MSANTD2: variants seen among roughly 807,000 people sequenced by gnomAD.
MSANTD2 encodes the protein myb/SANT-like DNA-binding domain-containing protein 2.
In MSANTD2, 19 loss-of-function variants were observed where a neutral mutation model predicts 52.6. That is an observed-to-expected ratio of 0.36 (90% confidence interval 0.25 to 0.53). MSANTD2 has a LOEUF of 0.53. Ranked by LOEUF, MSANTD2 falls within the 20% of genes least tolerant of loss-of-function variation. The pLI is 0.91. For missense variants in MSANTD2, 558 were observed against 716.3 expected, an observed-to-expected ratio of 0.78 and a Z score of 2.52; for synonymous variants, 291 against 289.7, an observed-to-expected ratio of 1.00 and a Z score of -0.04.
chr11:124,767,300 G>C lies in MSANTD2; in HGVS notation c.1556C>G (p.Pro519Arg). 1 of 1,614,158 alleles carries C rather than the reference G, an allele frequency of 6.2e-7. No individual in the cohort carries two copies. Among genetic ancestry groups the C allele is most frequent in the African/African-American group, 1.3e-5 (1 of 75,044 alleles). The stretch of plus-strand genomic sequence containing the variant: ...GTAGATGGATTTGGGGGAAACTCCG[G>C]GATCCACAATACAGTTCTGAGACAA... ...GFLSQNCIVD[P>R]GVSPKSIYIK... is the part of the protein sequence containing the mutation. The change falls in exon 4 of 4, where the codon CCC becomes CGC. Residue 519 changes from proline (P) to arginine (R), a missense_variant. Pro to Arg is a moderately radical substitution (Grantham distance 103). Transcript: ENST00000374979. The surrounding 1 kb of genome is among the most constrained non-coding windows in gnomAD (Gnocchi z 6.5).
intron 1 of MSANTD2, among the ~76,000 whole-genome samples, chr11:124,796,829 T>A (rs77010065): frequency 0.018 from 2,673 of 152,354 alleles, 74 homozygotes; most frequent in African/African-American, 0.062. Context: ...GTAGTTCTCA[T>A]CAACACAAAG....
At position 124,775,160 on chromosome 11, in the gene MSANTD2, T is replaced by C. The variant is rs931599243; in HGVS notation, c.511-186A>G. ...TACTAATTTAGCATTTACTCAAACA[T>C]GTTATAATTAAAACAATTATTTTGC... On this transcript the variant is annotated intron_variant, in intron 1 of 3. Transcript: ENST00000374979. The C allele has an allele frequency of 1.6e-5, 9 of 560,100 alleles. No homozygotes were observed. In the Admixed American group the frequency reaches 3.2e-4, roughly 20 times the overall value. 34.7% of individuals were successfully genotyped at this position (560,100 alleles called of 1,614,324 possible).
At position 124,767,062 on chromosome 11, in the gene MSANTD2, A is replaced by G; in HGVS notation, c.*114T>C. Reference sequence around the variant, plus strand: ...AGAAGTCGTACTGGCCCAATTGAAGAAAGGGTTTCCATGAAGAGTCTGACG... The same window carrying G: ...AGAAGTCGTACTGGCCCAATTGAAGGAAGGGTTTCCATGAAGAGTCTGACG... On this transcript the variant is annotated 3_prime_UTR_variant, in exon 4 of 4. Coordinates refer to ENST00000374979, the MANE Select transcript of MSANTD2 (RefSeq NM_001308027.2). The surrounding 1 kb of genome is among the most constrained non-coding windows in gnomAD (Gnocchi z 6.5). The G allele has an allele frequency of 9.1e-7, 1 of 1,100,922 alleles. No homozygotes were observed. The highest frequency in any genetic ancestry group is 1.3e-6 in the Non-Finnish European group (1 of 766,038). 68.2% of individuals were successfully genotyped at this position (1,100,922 alleles called of 1,614,324 possible). A position where few individuals can be genotyped will look rare whatever the true frequency, so the allele number is the denominator to read the frequency against.
At chr11:124,776,589 A>G (rs776260432) in intron 1 of MSANTD2, among the ~76,000 whole-genome samples, 3 of 152,194 alleles carry the variant, frequency 2.0e-5, no homozygotes, top group South Asian at 2.1e-4. Context: ...GAGCCACCAC[A>G]CCCAGCCAGG....
At chr11:124,769,961 C>A (rs1274956245) in intron 3 of MSANTD2, among the ~76,000 whole-genome samples, 1 of 152,224 alleles carries the variant, frequency 6.6e-6, no homozygotes, top group Non-Finnish European at 1.5e-5. Flanking sequence ...GTTTCCTGCC[C>A]TGCTGATATG....
intron 1 of MSANTD2, among the ~76,000 whole-genome samples, chr11:124,783,429 T>A (rs1489286064): frequency 6.6e-6 from 1 of 152,160 alleles, no homozygotes; most frequent in African/African-American, 2.4e-5. Context: ...TAGACCAGCC[T>A]GGCCAACAGG....
intron 1 of MSANTD2, chr11:124,791,575 C>A: frequency 7.5e-7 from 1 of 1,339,508 alleles, no homozygotes. Context: ...CCCTGAGCTG[C>A]CAGTCTCCGA....
intron 1 of MSANTD2, among the ~76,000 whole-genome samples, chr11:124,786,940 G>C (rs980973680): frequency 6.6e-6 from 1 of 152,172 alleles, no homozygotes; most frequent in African/African-American, 2.4e-5. Flanking sequence ...ATGGGTTCCA[G>C]AGAAACACTG....
chr11:124,785,153 G>C (rs1487641134), intron 1 of MSANTD2, among the ~76,000 whole-genome samples: 1 of 152,162 alleles, frequency 6.6e-6, no homozygotes, highest in African/African-American at 2.4e-5. Context: ...ACTGCTAAGA[G>C]AAATGACCAT....
intron 1 of MSANTD2, among the ~76,000 whole-genome samples, chr11:124,795,392 G>A (rs972040960): frequency 6.6e-6 from 1 of 152,198 alleles, no homozygotes; most frequent in Non-Finnish European, 1.5e-5. Context: ...CAGTGCATCA[G>A]ATTAACTGAC....
chr11:124,767,021 T>A lies in MSANTD2; in HGVS notation c.*155A>T. 1 of 743,690 alleles carries A rather than the reference T, an allele frequency of 1.3e-6. No homozygotes were observed. The highest frequency in any genetic ancestry group is 2.1e-6 in the Non-Finnish European group (1 of 474,084). The allele number at this position is 743,690 out of a possible 1,614,324, so 46.1% of individuals were successfully genotyped here. A position where few individuals can be genotyped will look rare whatever the true frequency, so the allele number is the denominator to read the frequency against. ...TGAGGTCTGTTTTTTCTGGCCCAAG[T>A]CTACTATGATTCCTTAGAAGTCGTA... On this transcript the variant is annotated 3_prime_UTR_variant, in exon 4 of 4. Transcript: ENST00000374979. The surrounding 1 kb of genome is among the most constrained non-coding windows in gnomAD (Gnocchi z 6.5).
At chr11:124,798,694 T>C (rs1002759325) in intron 1 of MSANTD2, among the ~76,000 whole-genome samples, 8 of 152,300 alleles carry the variant, frequency 5.3e-5, no homozygotes, top group Non-Finnish European at 8.8e-5. Context: ...TTCCCTCCTT[T>C]AGCTTACTCT....
chr11:124,791,563 G>T, intron 1 of MSANTD2: 1 of 1,271,762 alleles, frequency 7.9e-7, no homozygotes, highest in South Asian at 1.2e-5. Context: ...TCACCAATGT[G>T]ACCCTGAGCT....
At chr11:124,776,700 G>A (rs1944758948) in intron 1 of MSANTD2, among the ~76,000 whole-genome samples, 1 of 152,162 alleles carries the variant, frequency 6.6e-6, no homozygotes, top group East Asian at 1.9e-4. Context: ...TGGGTAAAAG[G>A]AATAATAAAA....
At chr11:124,795,675 ATACTTT>A (rs1187537507) in intron 1 of MSANTD2, among the ~76,000 whole-genome samples, 2 of 152,164 alleles carry the variant, frequency 1.3e-5, no homozygotes, top group Non-Finnish European at 2.9e-5. Context: ...AGTGTATATT[ATACTTT>A]TATTTTTATT....
intron 1 of MSANTD2, chr11:124,791,758 C>A: frequency 1.5e-6 from 1 of 662,124 alleles, no homozygotes. Context: ...CCAATGCTGA[C>A]AAGCACTGGG....
intron 1 of MSANTD2, chr11:124,789,991 C>T (rs1443247994): frequency 6.6e-6 from 1 of 152,218 alleles, no homozygotes; most frequent in East Asian, 1.9e-4. Flanking sequence ...CTTTAGAGTA[C>T]TAGTCTGTTG....
chr11:124,776,543 C>T (rs768321426), intron 1 of MSANTD2, among the ~76,000 whole-genome samples: 77 of 152,196 alleles, frequency 5.1e-4, no homozygotes, highest in Non-Finnish European at 9.1e-4. Context: ...GTGATCCGCC[C>T]GCCTTGGCCT....
chr11:124,782,238 A>G (rs1945000614), intron 1 of MSANTD2, among the ~76,000 whole-genome samples: 1 of 151,868 alleles, frequency 6.6e-6, no homozygotes, highest in East Asian at 1.9e-4. Context: ...CTTCAAGGCC[A>G]GGAGTCAAGA....
Sources: allele counts gnomAD v4.1 joint callset (sites outside exome capture counted in the v4.1 genomes callset), GRCh38; gene constraint gnomAD v4.1.1; non-coding constraint Gnocchi (gnomAD v3.1); transcripts MANE v1.5; gene names NCBI Gene and HGNC (gene_info 2026-07-23, HGNC 2026-07-21).